SATB2: variants seen among roughly 807,000 people sequenced by gnomAD.
SATB2 encodes SATB homeobox 2.
Under a neutral mutation model 73.4 loss-of-function variants are expected in SATB2, and 1 was observed. That is an observed-to-expected ratio of 0.01 (90% CI 0.00 to 0.06). The LOEUF is 0.06. Among genes scored for constraint, SATB2 ranks in the 10% least tolerant of loss-of-function variants. SATB2 has a pLI of 1.00. For synonymous variants in SATB2, 397 were observed against 367.0 expected (o/e 1.08, Z -0.93); for missense variants, 459 against 945.8 (o/e 0.49, Z 6.75).
chr2:199,366,416 C>A (rs1047696004), intron 6 of SATB2, among the ~76,000 whole-genome samples: 2 of 152,058 alleles, frequency 1.3e-5, no homozygotes, highest in African/African-American at 4.8e-5. Context: ...ATAAAATATG[C>A]CTGCTTCAGT....
intron 10 of SATB2, among the ~76,000 whole-genome samples, chr2:199,301,138 C>T (rs1288998492): frequency 6.6e-6 from 1 of 152,010 alleles, no homozygotes; most frequent in Non-Finnish European, 1.5e-5. Flanking sequence ...AGTCACTAAA[C>T]ATATGTGACT....
intron 2 of SATB2, among the ~76,000 whole-genome samples, chr2:199,441,201 T>A (rs1691807726): frequency 6.6e-6 from 1 of 152,120 alleles, no homozygotes; most frequent in Admixed American, 6.6e-5. Context: ...TTCAATTTCA[T>A]ATTTACCCAT....
In SATB2 at chr2:199,446,688, T is replaced by C. The variant is rs146465168; in HGVS notation, c.169+9181A>G. On this transcript the variant is annotated intron_variant, in intron 2 of 10. Coordinates refer to ENST00000417098, the MANE Select transcript of SATB2 (RefSeq NM_001172509.2). ...GCAAATGTTAAAACTGAAAACCCTT[T>C]GCTGACAAAAGCATTTTAATGAAGG... Among the ~76,000 whole-genome samples the C allele has an allele frequency of 1.7e-3, 262 of 152,340 alleles. 1 individual carries two copies. The highest frequency in any genetic ancestry group is 0.01 in the Middle Eastern group (3 of 294).
At chr2:199,324,209 G>A (rs1687971253) in intron 8 of SATB2, among the ~76,000 whole-genome samples, 1 of 151,974 alleles carries the variant, frequency 6.6e-6, no homozygotes, top group South Asian at 2.1e-4. Flanking sequence ...CAGGTAGGAT[G>A]GCTCTCCTAG....
chr2:199,383,049 T>C (rs754063458), intron 3 of SATB2, among the ~76,000 whole-genome samples: 17 of 152,272 alleles, frequency 1.1e-4, no homozygotes, highest in Admixed American at 1.3e-4. Context: ...GAATGCGCAA[T>C]GCTTGACATA....
At chr2:199,459,836 C>T (rs1324074012), upstream of SATB2, 3 of 8,606 alleles carry the variant, frequency 3.5e-4, no homozygotes, top group Non-Finnish European at 7.2e-4. The surrounding 1 kb of genome is among the most constrained non-coding windows in gnomAD (Gnocchi z 4.2). Flanking sequence ...CGGGACAAGG[C>T]TGCCTTCCAC....
At chr2:199,332,285 A>G (rs1009233916) in intron 7 of SATB2, among the ~76,000 whole-genome samples, 1 of 152,114 alleles carries the variant, frequency 6.6e-6, no homozygotes, top group Non-Finnish European at 1.5e-5. Context: ...AGACCAGGAA[A>G]CATGTTGACT....
At chr2:199,303,452 C>A (rs1275037244) in intron 10 of SATB2, among the ~76,000 whole-genome samples, 1 of 152,098 alleles carries the variant, frequency 6.6e-6, no homozygotes, top group Non-Finnish European at 1.5e-5. Context: ...TTTTAACAGA[C>A]AAAACTCAGA....
chr2:199,425,784 T>C (rs1360802040), intron 3 of SATB2, among the ~76,000 whole-genome samples: 1 of 152,204 alleles, frequency 6.6e-6, no homozygotes, highest in African/African-American at 2.4e-5. Context: ...CAATCTTAAC[T>C]ATGTATTGGG....
At chr2:199,302,166 C>T (rs1296832365) in intron 10 of SATB2, among the ~76,000 whole-genome samples, 3 of 152,228 alleles carry the variant, frequency 2.0e-5, no homozygotes, top group South Asian at 4.1e-4. Context: ...TTAAAAATCT[C>T]TAGGTAAAAC....
intron 5 of SATB2, among the ~76,000 whole-genome samples, chr2:199,374,562 C>T (rs1689541870): frequency 6.6e-6 from 1 of 152,162 alleles, no homozygotes; most frequent in Non-Finnish European, 1.5e-5. Flanking sequence ...TGGCAAACTT[C>T]ATGTTATGTA....
chr2:199,401,240 T>C (rs919972402), intron 3 of SATB2, among the ~76,000 whole-genome samples: 2 of 151,816 alleles, frequency 1.3e-5, no homozygotes, highest in African/African-American at 4.8e-5. Flanking sequence ...ATTTAACAAG[T>C]GCTAGGAATG....
chr2:199,309,032 T>A, intron 9 of SATB2, 75 bp from the exon 10 acceptor site: 1 of 1,143,172 alleles, frequency 8.7e-7, no homozygotes, highest in Non-Finnish European at 1.3e-6. Flanking sequence ...TGCGGTCCAG[T>A]GCCATCACAG....
upstream of SATB2, among the ~76,000 whole-genome samples, chr2:199,469,129 C>G (rs1231878311): frequency 6.6e-6 from 1 of 152,178 alleles, no homozygotes; most frequent in African/African-American, 2.4e-5. Context: ...AAAGAGCACC[C>G]CCTAATCCCG....
At chr2:199,391,445 A>C (rs1371018556) in intron 3 of SATB2, among the ~76,000 whole-genome samples, 1 of 151,518 alleles carries the variant, frequency 6.6e-6, no homozygotes, top group Non-Finnish European at 1.5e-5. Flanking sequence ...AAAAAAAAAA[A>C]AAAAAAACAA....
intron 3 of SATB2, among the ~76,000 whole-genome samples, chr2:199,386,567 T>C (rs1689939276): frequency 6.6e-6 from 1 of 152,228 alleles, no homozygotes; most frequent in South Asian, 2.1e-4. Flanking sequence ...ATGTCAATAA[T>C]GATGGCATAA....
intron 2 of SATB2, among the ~76,000 whole-genome samples, chr2:199,439,829 C>G (rs9989882): frequency 6.6e-6 from 1 of 152,184 alleles, no homozygotes; most frequent in East Asian, 1.9e-4. Flanking sequence ...AGAGGCTGGG[C>G]GCAGTGGCTC....
chr2:199,434,059 G>A (rs1455937862), intron 2 of SATB2, among the ~76,000 whole-genome samples: 1 of 151,998 alleles, frequency 6.6e-6, no homozygotes, highest in South Asian at 2.1e-4. Flanking sequence ...GGCCTAAGCT[G>A]TTATGTGAAT....
At chr2:199,441,654 T>C (rs145155828) in intron 2 of SATB2, among the ~76,000 whole-genome samples, 8 of 152,288 alleles carry the variant, frequency 5.3e-5, no homozygotes, top group Middle Eastern at 6.8e-3. Flanking sequence ...CCTCGCTCAC[T>C]GACCACCCCG....
Sources: gnomAD v4.1 joint callset for allele counts (sites outside exome capture counted in the v4.1 genomes callset) on GRCh38, gnomAD v4.1.1 for gene constraint, Gnocchi (gnomAD v3.1) non-coding constraint, MANE v1.5 for transcripts, NCBI Gene and HGNC (gene_info 2026-07-23, HGNC 2026-07-21) for gene names.